NCAM2: variants seen among roughly 807,000 people sequenced by gnomAD.
NCAM2 encodes neural cell adhesion molecule 2, also known as N-CAM-2.
A neutral mutation model predicts 98.1 loss-of-function variants in NCAM2; 30 were observed. The observed-to-expected ratio is 0.31, with a 90% CI of 0.23 to 0.41. NCAM2 has a LOEUF of 0.41. NCAM2 is among the 10% of genes least tolerant of loss of function. The pLI is 1.00. For missense variants in NCAM2, 867 were observed against 1,005.8 expected (o/e 0.86, Z 1.87); for synonymous variants, 368 against 342.4 (o/e 1.07, Z -0.83).
chr21:21,534,471 T>C, intron 16 of NCAM2, 66 bp from the exon 17 acceptor site: 1 of 1,318,192 alleles, frequency 7.6e-7, no homozygotes, highest in Non-Finnish European at 1.0e-6. Context: ...TTTTAAACTC[T>C]GTTTTTTTCC....
At chr21:21,230,284 TAA>T (rs2070568263) in intron 1 of NCAM2, among the ~76,000 whole-genome samples, 2 of 151,302 alleles carry the variant, frequency 1.3e-5, no homozygotes, top group East Asian at 1.9e-4. Flanking sequence ...ATTCTTCTTT[TAA>T]GTTTTTTAAA....
chr21:21,297,402 C>G (rs980074857), intron 5 of NCAM2, among the ~76,000 whole-genome samples: 1 of 151,662 alleles, frequency 6.6e-6, no homozygotes, highest in Non-Finnish European at 1.5e-5. Flanking sequence ...CAGGTAAGCT[C>G]TCCAACCTGC....
chr21:21,110,099 C>T (rs1283961455), intron 1 of NCAM2, among the ~76,000 whole-genome samples: 3 of 152,092 alleles, frequency 2.0e-5, no homozygotes, highest in African/African-American at 4.8e-5. Flanking sequence ...CACTAAAAGC[C>T]GGGGTGATGA....
At chr21:21,306,712 C>CTT (rs2073890133) in intron 5 of NCAM2, among the ~76,000 whole-genome samples, 1 of 152,088 alleles carries the variant, frequency 6.6e-6, no homozygotes, top group South Asian at 2.1e-4. Context: ...CAGTTACACT[C>CTT]TAAGAGATTT....
At chr21:21,050,508 C>T (rs925068276) in intron 1 of NCAM2, among the ~76,000 whole-genome samples, 5 of 152,172 alleles carry the variant, frequency 3.3e-5, no homozygotes, top group Non-Finnish European at 5.9e-5. Context: ...CGTATTCCAA[C>T]TCAGTGATGC....
At chr21:21,285,962 C>A (rs981408162) in intron 3 of NCAM2, among the ~76,000 whole-genome samples, 2 of 151,772 alleles carry the variant, frequency 1.3e-5, no homozygotes, top group Non-Finnish European at 2.9e-5. Flanking sequence ...GTTCAAGGAA[C>A]CTCCAAGAAG....
chr21:21,218,868 AC>A (rs1187856569), intron 1 of NCAM2, among the ~76,000 whole-genome samples: 1 of 152,190 alleles, frequency 6.6e-6, no homozygotes, highest in Non-Finnish European at 1.5e-5. Flanking sequence ...ACATGGTGAA[AC>A]CCTGTTTCTA....
chr21:21,375,172 A>C (rs1047171590), intron 9 of NCAM2, among the ~76,000 whole-genome samples: 1 of 151,362 alleles, frequency 6.6e-6, no homozygotes, highest in Non-Finnish European at 1.5e-5. Context: ...ATAATAATAA[A>C]AAGGAAAGAA....
At chr21:21,452,270 T>TGTG (rs1452943714) in intron 12 of NCAM2, among the ~76,000 whole-genome samples, 1 of 150,542 alleles carries the variant, frequency 6.6e-6, no homozygotes, top group African/African-American at 2.4e-5. Context: ...TACATACATA[T>TGTG]TCTAACACAA....
At chr21:21,373,690 C>CT (rs1346585695) in intron 8 of NCAM2, among the ~76,000 whole-genome samples, 173 bp from the exon 9 acceptor site, 2 of 151,584 alleles carry the variant, frequency 1.3e-5, no homozygotes, top group South Asian at 2.1e-4. Flanking sequence ...AAAAAGTGTG[C>CT]TTTTTAAAAA....
intron 1 of NCAM2, among the ~76,000 whole-genome samples, chr21:21,073,054 G>A (rs6518067): frequency 0.037 from 5,630 of 152,144 alleles, 326 homozygotes; most frequent in African/African-American, 0.13. Flanking sequence ...TGTACTTGAT[G>A]TAAGTGGAAT....
At position 21,210,758 on chromosome 21, in the gene NCAM2, A is replaced by C. The variant is rs990488944; in HGVS notation, c.56-69820A>C. 4.1e-6 allele frequency: 3 copies of C among 740,538 alleles called. No individual in the cohort carries two copies. The Admixed American group carries it at 1.3e-4, about 31-fold the overall frequency. 45.9% of individuals were successfully genotyped at this position (740,538 alleles called of 1,614,324 possible). A position where few individuals can be genotyped will look rare whatever the true frequency, so the allele number is the denominator to read the frequency against. ...GTCAAAATGTCATTGAAAGGCAATGAGGTGGAGAACATCTTATTTACTAGA... is the reference window on the plus strand; with the variant it reads ...GTCAAAATGTCATTGAAAGGCAATGCGGTGGAGAACATCTTATTTACTAGA... On this transcript the variant is annotated intron_variant, in intron 1 of 17. Coordinates refer to ENST00000400546, the MANE Select transcript of NCAM2 (RefSeq NM_004540.5).
chr21:21,067,240 A>G (rs1190011561), intron 1 of NCAM2, among the ~76,000 whole-genome samples: 1 of 152,006 alleles, frequency 6.6e-6, no homozygotes, highest in Non-Finnish European at 1.5e-5. Context: ...GAGAGAGAGA[A>G]TATTACTTCA....
chr21:21,044,970 A>G (rs777094511), intron 1 of NCAM2, among the ~76,000 whole-genome samples: 1 of 152,164 alleles, frequency 6.6e-6, no homozygotes, highest in Non-Finnish European at 1.5e-5. Context: ...ATACAAATAT[A>G]TATGTGTGTG....
intron 1 of NCAM2, among the ~76,000 whole-genome samples, chr21:21,104,341 GA>G: frequency 6.6e-6 from 1 of 152,162 alleles, no homozygotes; most frequent in South Asian, 2.1e-4. Flanking sequence ...ACATAGGATG[GA>G]AAAATAGGAA....
At chr21:21,338,596 A>C (rs990234705) in intron 8 of NCAM2, 62 bp downstream of exon 8, 11 of 1,421,212 alleles carry the variant, frequency 7.7e-6, no homozygotes, top group Non-Finnish European at 1.0e-5. Flanking sequence ...TTTCAATATC[A>C]TTAAATCACA....
intron 16 of NCAM2, among the ~76,000 whole-genome samples, chr21:21,515,601 C>G (rs1988666867): frequency 6.6e-6 from 1 of 152,020 alleles, no homozygotes; most frequent in Non-Finnish European, 1.5e-5. Context: ...GCTGACTTTT[C>G]CCAATTCTCA....
intron 16 of NCAM2, among the ~76,000 whole-genome samples, chr21:21,512,732 T>G (rs1451345766): frequency 6.6e-6 from 1 of 152,074 alleles, no homozygotes. Context: ...ATAAAATGCC[T>G]TTTAATTTTT....
At chr21:21,077,338 C>T (rs933529696) in intron 1 of NCAM2, among the ~76,000 whole-genome samples, 2 of 152,120 alleles carry the variant, frequency 1.3e-5, no homozygotes, top group African/African-American at 4.8e-5. Context: ...TCTATTATAA[C>T]TTCATTTTAG....
Sources: gnomAD v4.1 joint callset for allele counts (sites outside exome capture counted in the v4.1 genomes callset) on GRCh38, gnomAD v4.1.1 for gene constraint, MANE v1.5 for transcripts, NCBI Gene and HGNC (gene_info 2026-07-23, HGNC 2026-07-21) for gene names.